CCDC175: variants seen among roughly 807,000 people sequenced by gnomAD.
CCDC175 encodes coiled-coil domain-containing protein 175.
CCDC175 carries 100 observed loss-of-function variants against 114.6 expected under a neutral mutation model. The ratio of observed to expected loss-of-function variants is 0.87; its 90% CI spans 0.74 to 1.03. The LOEUF (loss-of-function observed/expected upper bound fraction) is 1.03. CCDC175 is among the 50% of genes least tolerant of loss of function. The pLI is 0.00. For synonymous variants in CCDC175, 306 were observed against 308.7 expected (o/e 0.99, Z 0.09); for missense variants, 880 against 917.8 (o/e 0.96, Z 0.53).
chr14:59,544,444 G>A (rs1362635133), intron 9 of CCDC175, among the ~76,000 whole-genome samples: 3 of 152,128 alleles, frequency 2.0e-5, no homozygotes, highest in African/African-American at 7.2e-5. Context: ...CAAATGCCCA[G>A]CTATTGATAG....
intron 5 of CCDC175, chr14:59,564,452 A>C (rs75233161): frequency 0.1 from 15,918 of 153,952 alleles, 891 homozygotes; most frequent in Middle Eastern, 0.15. Flanking sequence ...CAGAACAAGG[A>C]AGAAACAATC....
In CCDC175 at chr14:59,550,421, C is replaced by T. The variant is rs113793644; in HGVS notation, c.1035+934G>A. Among the ~76,000 whole-genome samples the T allele has an allele frequency of 2.2e-3, 327 of 151,572 alleles. 1 individual carries two copies. Among genetic ancestry groups the T allele is most frequent in the African/African-American group, 7.1e-3 (295 of 41,300 alleles). On this transcript the variant is annotated intron_variant, in intron 8 of 19. Transcript: ENST00000537690. ...TACTTATGATATGATTTTTTTTTAA[C>T]CTAAGTTTGAAAAATGTCTAGTGAA...
rs548864368 is a variant in CCDC175, at chr14:59,518,005, G to A, written c.2098+3569C>T. ...GCAATGGAACCGAACAGAGCCCTCA[G>A]AAATAATGCCGCATATCTACAACCA... On this transcript the variant is annotated intron_variant, in intron 17 of 19. Coordinates refer to ENST00000537690, the MANE Select transcript of CCDC175 (RefSeq NM_001164399.2). Among the ~76,000 whole-genome samples, 11 of 152,272 alleles carry A rather than the reference G, an allele frequency of 7.2e-5. No individual in the cohort carries two copies. The South Asian group carries it at 2.3e-3, about 32-fold the overall frequency.
intron 4 of CCDC175, 69 bp from the exon 5 acceptor site, chr14:59,565,344 G>GGGCTCTTCTCACCAC: frequency 8.3e-7 from 1 of 1,208,120 alleles, no homozygotes; most frequent in Non-Finnish European, 1.1e-6. Flanking sequence ...TGTGTGGTGA[G>GGGCTCTTCTCACCAC]AAGAGCCCTC....
intron 3 of CCDC175, among the ~76,000 whole-genome samples, 172 bp downstream of exon 3, chr14:59,572,530 A>C (rs76387505): frequency 0.06 from 9,140 of 152,212 alleles, 349 homozygotes; most frequent in Non-Finnish European, 0.088. Context: ...TATATATACT[A>C]TTTCCACTTA....
Position 59,565,219 on chromosome 14 carries a change from T to C in CCDC175, c.548A>G (p.Gln183Arg). Reference sequence around the variant, plus strand: ...GGTGGTGGCTTTTTTCTCCATAGTTTGGTTGAGTGACAGGACAAACCTTGC... The same window carrying C: ...GGTGGTGGCTTTTTTCTCCATAGTTCGGTTGAGTGACAGGACAAACCTTGC... ...KHARFVLSLN[Q>R]TMEKKATTTV... Residue 183 changes from glutamine to arginine, a missense_variant, in exon 5 of 20, where the codon CAA (glutamine) becomes CGA (arginine). Transcript: ENST00000537690. 1 of 1,537,854 alleles carries C rather than the reference T, an allele frequency of 6.5e-7. No homozygotes were observed. Among genetic ancestry groups the C allele is most frequent in the South Asian group, 1.2e-5 (1 of 84,052 alleles).
At chr14:59,568,065 T>A (rs1242469303) in intron 4 of CCDC175, among the ~76,000 whole-genome samples, 180 bp downstream of exon 4, 1 of 152,144 alleles carries the variant, frequency 6.6e-6, no homozygotes, top group Non-Finnish European at 1.5e-5. Flanking sequence ...GCTCTCCTCC[T>A]CAGTCCTCTG....
intron 9 of CCDC175, among the ~76,000 whole-genome samples, chr14:59,543,666 T>C (rs950159170): frequency 6.6e-6 from 1 of 152,262 alleles, no homozygotes; most frequent in Non-Finnish European, 1.5e-5. Flanking sequence ...AGCTGATTTT[T>C]GTACTTTTGT....
chr14:59,537,970 C>T, intron 13 of CCDC175, 53 bp downstream of exon 13: 1 of 1,261,926 alleles, frequency 7.9e-7, no homozygotes. Flanking sequence ...ATTATTCCCC[C>T]TCCCCCTCAT....
chr14:59,533,757 G>T (rs966315184), intron 13 of CCDC175, among the ~76,000 whole-genome samples: 1 of 152,144 alleles, frequency 6.6e-6, no homozygotes, highest in African/African-American at 2.4e-5. Flanking sequence ...GGGAGGCAGA[G>T]GCGGGCAGAT....
At position 59,507,877 on chromosome 14, in the gene CCDC175, G is replaced by C. The variant is rs117930135; in HGVS notation, c.2306-2562C>G. ...CCTGTAGGGAGCTGAAGGCCTGTGGGATGTGACCAACTCAGCATTCCGCTG... is the reference window on the plus strand; with the variant it reads ...CCTGTAGGGAGCTGAAGGCCTGTGGCATGTGACCAACTCAGCATTCCGCTG... On this transcript the variant is annotated intron_variant, in intron 19 of 19. Coordinates refer to ENST00000537690, the MANE Select transcript of CCDC175 (RefSeq NM_001164399.2). Among the ~76,000 whole-genome samples the C allele has an allele frequency of 8.6e-3, 1,311 of 152,308 alleles. 15 individuals carry two copies. The highest frequency in any genetic ancestry group is 0.02 in the Middle Eastern group (6 of 294).
chr14:59,565,087 C>T lies in CCDC175; in HGVS notation c.680G>A (p.Arg227Lys). The T allele has an allele frequency of 6.5e-7, 1 of 1,537,442 alleles. No individual in the cohort carries two copies. Among genetic ancestry groups the T allele is most frequent in the Non-Finnish European group, 8.7e-7 (1 of 1,146,926 alleles). ...TTGTTTTCTTATTAGATATTCTGCC[C>T]TTTCTTTTTCCATTAGCTCCTCTGC... ...QEAEELMEKERAEYLIRKQEL... is the reference protein window; with the variant it reads ...QEAEELMEKEKAEYLIRKQEL... The change falls in exon 5 of 20, where the codon AGG becomes AAG. Residue 227 changes from arginine to lysine, a missense_variant. Arg to Lys is a conservative substitution (Grantham distance 26). Transcript: ENST00000537690.
At chr14:59,515,473 T>G (rs1440516527) in intron 17 of CCDC175, among the ~76,000 whole-genome samples, 6 of 152,128 alleles carry the variant, frequency 3.9e-5, no homozygotes, top group Non-Finnish European at 7.3e-5. Context: ...TGGAGGAAGA[T>G]CTACCAAACA....
intron 7 of CCDC175, among the ~76,000 whole-genome samples, chr14:59,551,744 C>A (rs1813178): frequency 0.28 from 43,317 of 152,050 alleles, 6,428 homozygotes; most frequent in South Asian, 0.4. Context: ...ACAGACAGCA[C>A]CTGGAAAATC....
chr14:59,540,632 A>G (rs916564183), intron 11 of CCDC175, 43 bp downstream of exon 11: 5 of 1,509,270 alleles, frequency 3.3e-6, no homozygotes, highest in Non-Finnish European at 4.4e-6. Context: ...TGCTGATAAC[A>G]CAAAACACAA....
chr14:59,568,244 C>G lies in CCDC175; in HGVS notation c.491+1G>C. The G allele has an allele frequency of 6.5e-7, 1 of 1,527,374 alleles. No homozygotes were observed. Among genetic ancestry groups the G allele is most frequent in the Non-Finnish European group, 8.7e-7 (1 of 1,144,532 alleles). 94.6% of individuals were successfully genotyped at this position (1,527,374 alleles called of 1,614,324 possible). On this transcript the variant is annotated splice_donor_variant, in intron 4 of 19. Coordinates refer to ENST00000537690, the MANE Select transcript of CCDC175 (RefSeq NM_001164399.2). LOFTEE classifies it high-confidence loss of function. ...CAAATACTGAATATAAGAATACCTA[C>G]CCCAGAGCTTCATTATATTTTGTCA...
chr14:59,551,820 TATCCCGCGCATGGCTCAGAGG>T (rs1895513636), intron 7 of CCDC175, among the ~76,000 whole-genome samples: 3 of 152,180 alleles, frequency 2.0e-5, no homozygotes, highest in Admixed American at 2.0e-4. Context: ...CAGGAGATTA[TATCCCGCGCATGGCTCAGAGG>T]ATCCCACGCC....
At chr14:59,518,093 A>T (rs1893209687) in intron 17 of CCDC175, among the ~76,000 whole-genome samples, 1 of 152,104 alleles carries the variant, frequency 6.6e-6, no homozygotes, top group African/African-American at 2.4e-5. Context: ...TTTAATAATT[A>T]GTGCTGGGAA....
At chr14:59,510,904 A>T in intron 18 of CCDC175, 96 bp from the exon 19 acceptor site, 1 of 1,032,266 alleles carries the variant, frequency 9.7e-7, no homozygotes, top group South Asian at 1.7e-5. Flanking sequence ...AAAATATTAT[A>T]TATGCATAAT....
Sources: allele counts gnomAD v4.1 joint callset (sites outside exome capture counted in the v4.1 genomes callset), GRCh38; gene constraint gnomAD v4.1.1; transcripts MANE v1.5; gene names NCBI Gene and HGNC (gene_info 2026-07-23, HGNC 2026-07-21).